Variants in CCDC122 observed in about 807,000 individuals in gnomAD.
CCDC122 encodes the protein coiled-coil domain containing 122.
A neutral mutation model predicts 37.0 loss-of-function variants in CCDC122; 38 were observed. The ratio of observed to expected loss-of-function variants is 1.03; its 90% CI spans 0.79 to 1.35. The LOEUF (loss-of-function observed/expected upper bound fraction) is 1.35, where lower values mean the gene tolerates loss of function less well. Ranked by LOEUF, CCDC122 falls within the 40% of genes most tolerant of loss-of-function variation. The probability of loss-of-function intolerance (pLI) is 0.00; values close to 1 mark genes in which losing one functional copy is unlikely to be tolerated. For synonymous variants in CCDC122, 83 were observed against 95.6 expected (o/e 0.87, Z 0.77); for missense variants, 305 against 310.0 (o/e 0.98, Z 0.12).
rs1014027405 is a variant in CCDC122 at position 43,859,795 on chromosome 13, G to C, written c.432C>G (p.Ser144Arg). 2 of 1,609,134 alleles carry C rather than the reference G, an allele frequency of 1.2e-6. No homozygotes were observed. The highest frequency in any genetic ancestry group is 1.7e-6 in the Non-Finnish European group (2 of 1,178,304). Residue 144 changes from serine (S) to arginine (R), a missense_variant, in exon 5 of 7, where the codon AGC becomes AGG. Ser to Arg is a moderately radical substitution (Grantham distance 110). Coordinates refer to ENST00000444614, the MANE Select transcript of CCDC122 (RefSeq NM_144974.5). ...GGAGTTCAGTCATAAATGACCATTT[G>C]CTCTCTACTTCCCCCAAACTATTTT... ...AHKNSLGEVESKWSFMTELHE... is the reference protein window; with the variant it reads ...AHKNSLGEVERKWSFMTELHE...
At chr13:43,846,191 C>A (rs1396549876) in intron 6 of CCDC122, among the ~76,000 whole-genome samples, 1 of 152,104 alleles carries the variant, frequency 6.6e-6, no homozygotes, top group African/African-American at 2.4e-5. Flanking sequence ...TTTCCAGCCT[C>A]AGCCTCCTGA....
chr13:43,878,520 T>A (rs1238735329), intron 1 of CCDC122, among the ~76,000 whole-genome samples: 1 of 152,162 alleles, frequency 6.6e-6, no homozygotes, highest in African/African-American at 2.4e-5. Flanking sequence ...TCTGAGATTA[T>A]GAGACAAAGG....
intron 6 of CCDC122, among the ~76,000 whole-genome samples, chr13:43,857,688 A>C (rs1953965317): frequency 6.6e-6 from 1 of 152,056 alleles, no homozygotes; most frequent in Non-Finnish European, 1.5e-5. Context: ...GGATCACCTG[A>C]GGTCAGGAGT....
At chr13:43,874,684 C>A (rs183736006) in intron 2 of CCDC122, 158 bp downstream of exon 2, 151 of 152,102 alleles carry the variant, frequency 9.9e-4, no homozygotes, top group African/African-American at 3.4e-3. Flanking sequence ...AAAATGAAAA[C>A]AAACTACTGC....
chr13:43,826,953 T>C (rs1025051960), intron 3 of CCDC122, among the ~76,000 whole-genome samples: 1 of 152,200 alleles, frequency 6.6e-6, no homozygotes, highest in Non-Finnish European at 1.5e-5. Context: ...TTTATAATAC[T>C]GTATTCAGAG....
At chr13:43,852,342 C>T (rs948494942) in intron 6 of CCDC122, among the ~76,000 whole-genome samples, 2 of 151,828 alleles carry the variant, frequency 1.3e-5, no homozygotes, top group African/African-American at 4.8e-5. Flanking sequence ...AATGCTATCA[C>T]AAATATTAAT....
rs1954560826 is a variant in CCDC122, at chr13:43,874,836, G to A, written c.-114+6C>T. On this transcript the variant is annotated splice_donor_region_variant and intron_variant, in intron 2 of 6. Transcript: ENST00000444614. ...TTAATTGAATAATTAAAAATAAACTGTATACCTATTATACACCAGTACCGC... is the reference window on the plus strand; with the variant it reads ...TTAATTGAATAATTAAAAATAAACTATATACCTATTATACACCAGTACCGC... 1 of 152,252 alleles carries A rather than the reference G, an allele frequency of 6.6e-6. No homozygotes were observed. Among genetic ancestry groups the A allele is most frequent in the Admixed American group, 6.5e-5 (1 of 15,280 alleles). The allele number at this position is 152,252 out of a possible 1,614,324, so 9.4% of individuals were successfully genotyped here. A position where few individuals can be genotyped will look rare whatever the true frequency, so the allele number is the denominator to read the frequency against.
chr13:43,837,250 G>A lies in CCDC122; in HGVS notation c.*30C>T. Reference sequence around the variant, plus strand: ...CTGTCCAGTAATTTTTGTTGTCATGGTCTGTGTTCCACATTGCCCTATGGC... The same window carrying A: ...CTGTCCAGTAATTTTTGTTGTCATGATCTGTGTTCCACATTGCCCTATGGC... On this transcript the variant is annotated 3_prime_UTR_variant, in exon 7 of 7. Coordinates refer to ENST00000444614, the MANE Select transcript of CCDC122 (RefSeq NM_144974.5). 4.4e-6 allele frequency: 7 copies of A among 1,592,064 alleles called. No homozygotes were observed. Among genetic ancestry groups the A allele is most frequent in the Non-Finnish European group, 6.0e-6 (7 of 1,170,902 alleles).
intron 4 of CCDC122, among the ~76,000 whole-genome samples, chr13:43,861,560 G>A (rs561832628): frequency 1.3e-3 from 195 of 152,212 alleles, no homozygotes; most frequent in African/African-American, 4.6e-3. Context: ...ATCCTCCATA[G>A]TCCTCTTCTT....
chr13:43,824,890 G>A (rs374915953), intron 3 of CCDC122, among the ~76,000 whole-genome samples: 9 of 152,098 alleles, frequency 5.9e-5, no homozygotes, highest in African/African-American at 1.2e-4. Context: ...TTAAAAAGTC[G>A]AAAACAACAG....
At chr13:43,863,998 C>A (rs572162597) in intron 4 of CCDC122, among the ~76,000 whole-genome samples, 1 of 152,060 alleles carries the variant, frequency 6.6e-6, no homozygotes, top group Non-Finnish European at 1.5e-5. Flanking sequence ...GCCTTTGATT[C>A]ATTTTGAGTT....
At chr13:43,847,789 T>C (rs1456699294) in intron 6 of CCDC122, among the ~76,000 whole-genome samples, 1 of 152,228 alleles carries the variant, frequency 6.6e-6, no homozygotes, top group Non-Finnish European at 1.5e-5. Context: ...CTTTTCCCTT[T>C]GTTGAGACAG....
chr13:43,868,927 G>A, intron 3 of CCDC122, 124 bp from the exon 4 acceptor site: 1 of 545,778 alleles, frequency 1.8e-6, no homozygotes, highest in South Asian at 4.1e-5. Context: ...ACTAAATTTA[G>A]AATTAGTAAT....
chr13:43,874,354 ATATTTT>A (rs1214518515), intron 2 of CCDC122, among the ~76,000 whole-genome samples: 8 of 152,124 alleles, frequency 5.3e-5, no homozygotes, highest in Non-Finnish European at 7.4e-5. Flanking sequence ...AATAATCAAC[ATATTTT>A]TATTTTTATT....
chr13:43,859,547 G>T, intron 5 of CCDC122, 125 bp downstream of exon 5: 4 of 688,204 alleles, frequency 5.8e-6, no homozygotes, highest in Non-Finnish European at 6.4e-6. Flanking sequence ...TATGAAAATA[G>T]TTTCTGAAGG....
At position 43,837,161 on chromosome 13, in the gene CCDC122, C is replaced by T; in HGVS notation, c.*119G>A. ...AAAAACAACAACCGAAGACATCTGT[C>T]ATTAAGACAGGTCTCTAATAGTGGA... On this transcript the variant is annotated 3_prime_UTR_variant, in exon 7 of 7. Transcript: ENST00000444614. The T allele has an allele frequency of 2.0e-6, 2 of 982,680 alleles. No individual in the cohort carries two copies. The highest frequency in any genetic ancestry group is 1.7e-5 in the South Asian group (1 of 58,424). The allele number at this position is 982,680 out of a possible 1,614,324, so 60.9% of individuals were successfully genotyped here. A position where few individuals can be genotyped will look rare whatever the true frequency, so the allele number is the denominator to read the frequency against.
At chr13:43,821,819 TTTC>T (rs1002811918), downstream of CCDC122, among the ~76,000 whole-genome samples, 1 of 152,220 alleles carries the variant, frequency 6.6e-6, no homozygotes, top group African/African-American at 2.4e-5. Flanking sequence ...AACTCTAGAA[TTTC>T]TTCTTGATTC....
At chr13:43,840,845 C>T (rs1953327473) in intron 6 of CCDC122, among the ~76,000 whole-genome samples, 1 of 151,760 alleles carries the variant, frequency 6.6e-6, no homozygotes, top group Non-Finnish European at 1.5e-5. Context: ...AATAAACATA[C>T]ATGTGCATGT....
chr13:43,872,904 T>C (rs547489639), intron 2 of CCDC122, among the ~76,000 whole-genome samples: 1 of 152,248 alleles, frequency 6.6e-6, no homozygotes, highest in East Asian at 1.9e-4. Context: ...CTTCCTCTCC[T>C]CTTTCTTCTT....
Sources: allele counts gnomAD v4.1 joint callset (sites outside exome capture counted in the v4.1 genomes callset), GRCh38; gene constraint gnomAD v4.1.1; transcripts MANE v1.5; gene names NCBI Gene and HGNC (gene_info 2026-07-23, HGNC 2026-07-21).